The following CDK8 variants were observed in gnomAD, a reference collection of about 807,000 sequenced individuals.
The protein encoded by CDK8 is cyclin-dependent kinase 8.
A neutral mutation model predicts 71.5 loss-of-function variants in CDK8; 29 were observed. The ratio of observed to expected loss-of-function variants is 0.41; its 90% CI spans 0.30 to 0.55. CDK8 has a LOEUF of 0.55. Among genes scored for constraint, CDK8 ranks in the 20% least tolerant of loss-of-function variants. The pLI, the probability that CDK8 is intolerant of heterozygous loss-of-function variation, is 0.37. For synonymous variants in CDK8, 161 were observed against 192.1 expected, an observed-to-expected ratio of 0.84 and a Z score of 1.34; for missense variants, 288 against 572.6, an observed-to-expected ratio of 0.50 and a Z score of 5.07.
At chr13:26,402,801 C>T (rs757392604) in intron 12 of CDK8, among the ~76,000 whole-genome samples, 41 of 152,310 alleles carry the variant, frequency 2.7e-4, no homozygotes, top group Non-Finnish European at 3.4e-4. Flanking sequence ...CTCTGACCTT[C>T]GCTTCTGGAA....
At position 26,335,920 on chromosome 13, in the gene CDK8, T is replaced by TAACAACAACAACAAC. The variant is rs71080255; in HGVS notation, c.129-1627_129-1613dup. Among the ~76,000 whole-genome samples the TAACAACAACAACAAC allele has an allele frequency of 2.1e-4, 31 of 150,088 alleles. No individual in the cohort carries two copies. The South Asian group carries it at 4.5e-3, about 22-fold the overall frequency. ...AAAATATAATTGATATTCTCTTGCT[T>TAACAACAACAACAAC]AACAACAACAACAACAACAACAACA... On this transcript the variant is annotated intron_variant, in intron 1 of 12. Coordinates refer to ENST00000381527, the MANE Select transcript of CDK8 (RefSeq NM_001260.3).
At position 26,372,928 on chromosome 13, in the gene CDK8, C is replaced by A. The variant is rs143741634; in HGVS notation, c.457-9886C>A. On this transcript the variant is annotated intron_variant, in intron 4 of 12. Coordinates refer to ENST00000381527, the MANE Select transcript of CDK8 (RefSeq NM_001260.3). ...ACTAGACCCTGCAGTGCCTGGCCCC[C>A]ACTTGTCTTTGCAACCACATTTCCT... Among the ~76,000 whole-genome samples, 567 of 152,264 alleles carry A rather than the reference C, an allele frequency of 3.7e-3. 4 individuals are homozygous for A. The highest frequency in any genetic ancestry group is 0.013 in the African/African-American group (529 of 41,536).
At chr13:26,276,025 G>A (rs1872549929) in intron 1 of CDK8, among the ~76,000 whole-genome samples, 3 of 152,088 alleles carry the variant, frequency 2.0e-5, no homozygotes, top group Admixed American at 2.0e-4. Flanking sequence ...ACTACGGCCA[G>A]CTAATTTTTG....
At chr13:26,364,539 G>C (rs1310390075) in intron 4 of CDK8, among the ~76,000 whole-genome samples, 11 of 152,062 alleles carry the variant, frequency 7.2e-5, no homozygotes, top group Admixed American at 6.6e-4. Context: ...ATAATCAGTA[G>C]AATTTAAGGA....
intron 1 of CDK8, among the ~76,000 whole-genome samples, chr13:26,308,924 C>T (rs1471245756): frequency 6.6e-6 from 1 of 152,158 alleles, no homozygotes; most frequent in East Asian, 1.9e-4. Flanking sequence ...GCCTGGTTTG[C>T]TAGCTGTGTG....
intron 1 of CDK8, among the ~76,000 whole-genome samples, chr13:26,334,152 T>A (rs1190629050): frequency 6.6e-6 from 1 of 152,170 alleles, no homozygotes; most frequent in Non-Finnish European, 1.5e-5. Context: ...GAAGACTGAT[T>A]GAATATTAGA....
rs954004604 is a variant in CDK8, at chr13:26,267,637, A to G, written c.128+12868A>G. On this transcript the variant is annotated intron_variant, in intron 1 of 12. Coordinates refer to ENST00000381527, the MANE Select transcript of CDK8 (RefSeq NM_001260.3). ...TTCAGTTCATATGTTTTGGAGATCT[A>G]TATCAGCACCTGTAACTCAATTCAT... 5.3e-5 allele frequency among the ~76,000 whole-genome samples: 8 copies of G among 152,240 alleles called. No individual in the cohort carries two copies. In the East Asian group the frequency reaches 1.2e-3, roughly 22 times the overall value.
chr13:26,396,895 G>A (rs1876019759), intron 8 of CDK8, among the ~76,000 whole-genome samples: 1 of 151,734 alleles, frequency 6.6e-6, no homozygotes, highest in African/African-American at 2.4e-5. Context: ...TATAATTCAT[G>A]TGAAAAAAAA....
At chr13:26,402,771 T>C (rs773187041) in intron 12 of CDK8, among the ~76,000 whole-genome samples, 3 of 152,230 alleles carry the variant, frequency 2.0e-5, no homozygotes, top group Non-Finnish European at 4.4e-5. Context: ...ATGGCATCCT[T>C]AGAAGGAAGC....
intron 6 of CDK8, among the ~76,000 whole-genome samples, chr13:26,391,106 G>A (rs1401097350): frequency 2.0e-5 from 3 of 151,784 alleles, no homozygotes; most frequent in African/African-American, 7.3e-5. Context: ...AATGATTAAT[G>A]TATGGGTCAG....
At chr13:26,282,264 TA>T (rs1872783839) in intron 1 of CDK8, among the ~76,000 whole-genome samples, 1 of 152,148 alleles carries the variant, frequency 6.6e-6, no homozygotes, top group Non-Finnish European at 1.5e-5. Context: ...CACACATAGT[TA>T]TCAGGTTATC....
intron 5 of CDK8, among the ~76,000 whole-genome samples, chr13:26,383,087 C>T (rs765482616): frequency 1.3e-5 from 2 of 152,126 alleles, no homozygotes; most frequent in African/African-American, 4.8e-5. Flanking sequence ...ATTATGAAAC[C>T]GTGCAAGTTT....
chr13:26,365,214 T>C (rs1184413523), intron 4 of CDK8, among the ~76,000 whole-genome samples: 2 of 152,142 alleles, frequency 1.3e-5, no homozygotes, highest in Non-Finnish European at 2.9e-5. Flanking sequence ...TTAAGGCAAA[T>C]TTAAATGAGA....
chr13:26,326,761 T>C (rs1311547839), intron 1 of CDK8, among the ~76,000 whole-genome samples: 1 of 152,204 alleles, frequency 6.6e-6, no homozygotes, highest in Non-Finnish European at 1.5e-5. Context: ...CATTGGAGTG[T>C]GTTCAAGTGC....
chr13:26,322,620 C>T (rs1009859676), intron 1 of CDK8, among the ~76,000 whole-genome samples: 6 of 152,076 alleles, frequency 3.9e-5, no homozygotes, highest in Non-Finnish European at 8.8e-5. Flanking sequence ...TATTAGGCAG[C>T]CAAGGTGAGT....
At chr13:26,398,653 A>G (rs971885751) in intron 9 of CDK8, among the ~76,000 whole-genome samples, 2 of 152,196 alleles carry the variant, frequency 1.3e-5, no homozygotes, top group African/African-American at 4.8e-5. Context: ...TAATCTCACC[A>G]TTCTAGCGTT....
intron 1 of CDK8, 104 bp from the exon 2 acceptor site, chr13:26,337,463 T>G: frequency 2.4e-6 from 1 of 421,280 alleles, no homozygotes; most frequent in Non-Finnish European, 4.1e-6. Flanking sequence ...TTGAATAATG[T>G]CAAATGTGTA....
intron 4 of CDK8, among the ~76,000 whole-genome samples, chr13:26,377,175 G>C (rs1874994477): frequency 6.6e-6 from 1 of 152,236 alleles, no homozygotes; most frequent in Non-Finnish European, 1.5e-5. Context: ...CCAGTGTGTG[G>C]CACATTCTGA....
chr13:26,378,012 TAGAG>T (rs1397595086), intron 4 of CDK8, among the ~76,000 whole-genome samples: 3 of 152,230 alleles, frequency 2.0e-5, no homozygotes, highest in East Asian at 3.8e-4. Context: ...CTTCTTTTAA[TAGAG>T]AGATCCATCA....
Sources: allele counts gnomAD v4.1 joint callset (sites outside exome capture counted in the v4.1 genomes callset), GRCh38; gene constraint gnomAD v4.1.1; transcripts MANE v1.5; gene names NCBI Gene and HGNC (gene_info 2026-07-23, HGNC 2026-07-21).